RGS7: variants seen among roughly 807,000 people sequenced by gnomAD.
The protein encoded by RGS7 is regulator of G protein signaling 7, also known as regulator of G-protein signaling 7.
Under a neutral mutation model 81.1 loss-of-function variants are expected in RGS7, and 27 were observed. The observed-to-expected ratio is 0.33, with a 90% confidence interval of 0.25 to 0.46. The LOEUF (loss-of-function observed/expected upper bound fraction) is 0.46. Ranked by LOEUF, RGS7 falls within the 20% of genes least tolerant of loss-of-function variation. RGS7 has a pLI of 1.00. For synonymous variants in RGS7, 208 were observed against 207.7 expected (o/e 1.00, Z -0.01); for missense variants, 396 against 607.4 (o/e 0.65, Z 3.66).
At chr1:241,302,906 T>G (rs916692693) in intron 2 of RGS7, among the ~76,000 whole-genome samples, 4 of 152,054 alleles carry the variant, frequency 2.6e-5, no homozygotes, top group African/African-American at 9.7e-5. Context: ...ACCACTGTAA[T>G]ACTATTATCA....
intron 2 of RGS7, among the ~76,000 whole-genome samples, chr1:241,143,225 C>T (rs1280672665): frequency 6.6e-6 from 1 of 152,200 alleles, no homozygotes; most frequent in African/African-American, 2.4e-5. Context: ...ACTATTCCAA[C>T]CTCTGCCTGT....
chr1:240,893,541 T>A (rs2148156470), intron 6 of RGS7, among the ~76,000 whole-genome samples: 1 of 152,244 alleles, frequency 6.6e-6, no homozygotes, highest in East Asian at 1.9e-4. Context: ...TTAATATCCT[T>A]CTATTTGAAA....
chr1:241,340,159 C>T (rs1429321740), intron 2 of RGS7, among the ~76,000 whole-genome samples: 1 of 152,144 alleles, frequency 6.6e-6, no homozygotes, highest in Non-Finnish European at 1.5e-5. Flanking sequence ...AAACTTAATA[C>T]TAAGCCACAC....
intron 2 of RGS7, among the ~76,000 whole-genome samples, chr1:241,269,211 T>C (rs1471403504): frequency 1.3e-5 from 2 of 152,232 alleles, no homozygotes; most frequent in Non-Finnish European, 2.9e-5. Context: ...AAAAAATCTC[T>C]TTTGTAACCA....
At chr1:241,158,314 T>C (rs1424445091) in intron 2 of RGS7, among the ~76,000 whole-genome samples, 4 of 152,124 alleles carry the variant, frequency 2.6e-5, no homozygotes, top group Non-Finnish European at 5.9e-5. Flanking sequence ...CAACACAATA[T>C]CACACATTTG....
chr1:240,941,576 T>C (rs1040979753), intron 4 of RGS7, among the ~76,000 whole-genome samples: 5 of 152,008 alleles, frequency 3.3e-5, no homozygotes, highest in African/African-American at 9.7e-5. Context: ...AGGCTAATTA[T>C]TGTGTGTTAT....
chr1:240,931,923 T>A (rs1675508516), intron 5 of RGS7, among the ~76,000 whole-genome samples: 2 of 152,188 alleles, frequency 1.3e-5, no homozygotes, highest in African/African-American at 4.8e-5. Context: ...TGTCTCCTTA[T>A]CAACCCCTAG....
At chr1:240,806,402 G>A in intron 14 of RGS7, 76 bp from the exon 15 acceptor site, 1 of 1,420,904 alleles carries the variant, frequency 7.0e-7, no homozygotes. Context: ...TACGGATCAT[G>A]CAGTTCATCA....
At chr1:241,284,859 GT>G (rs954921522) in intron 2 of RGS7, among the ~76,000 whole-genome samples, 6 of 151,130 alleles carry the variant, frequency 4.0e-5, no homozygotes, top group Non-Finnish European at 7.4e-5. Flanking sequence ...GTCTTTCTTT[GT>G]TTTTTTTTGT....
intron 3 of RGS7, among the ~76,000 whole-genome samples, chr1:241,076,935 T>C (rs1054207515): frequency 6.6e-6 from 1 of 152,206 alleles, no homozygotes; most frequent in Non-Finnish European, 1.5e-5. Flanking sequence ...AAATCTTCAG[T>C]TGAGGAAAGA....
At chr1:240,893,800 T>C (rs1668627857) in intron 6 of RGS7, among the ~76,000 whole-genome samples, 1 of 152,180 alleles carries the variant, frequency 6.6e-6, no homozygotes, top group Non-Finnish European at 1.5e-5. Context: ...GCATATGAGA[T>C]TGAAGAGTTT....
intron 4 of RGS7, among the ~76,000 whole-genome samples, chr1:240,940,608 G>A (rs927278338): frequency 5.9e-5 from 9 of 152,112 alleles, no homozygotes; most frequent in South Asian, 2.1e-4. Context: ...GGAAATCTGC[G>A]GAGTATAGAT....
chr1:241,309,386 C>CA (rs71571833), intron 2 of RGS7, among the ~76,000 whole-genome samples: 12,438 of 85,096 alleles, frequency 0.15, 1,101 homozygotes, highest in South Asian at 0.22. Flanking sequence ...AACTCCAACT[C>CA]AAAAAAAAAA....
chr1:241,120,678 G>A (rs1240708149), intron 2 of RGS7, among the ~76,000 whole-genome samples: 1 of 152,066 alleles, frequency 6.6e-6, no homozygotes, highest in Non-Finnish European at 1.5e-5. Context: ...GGGAAATTTT[G>A]TACTGTACAG....
Position 241,346,192 on chromosome 1 carries a change from T to C in RGS7, c.78+9507A>G, listed in dbSNP as rs1282498656. On this transcript the variant is annotated intron_variant, in intron 2 of 18. Transcript: ENST00000440928. Reference sequence around the variant, plus strand: ...AGAAAATAGAGGTTAACATAGTATTTATTTTAGAAACCAGAAAACCAAAAA... The same window carrying C: ...AGAAAATAGAGGTTAACATAGTATTCATTTTAGAAACCAGAAAACCAAAAA... 2.6e-5 allele frequency among the ~76,000 whole-genome samples: 4 copies of C among 152,182 alleles called. 1 individual carries two copies. The South Asian group carries it at 8.3e-4, about 32-fold the overall frequency.
chr1:240,819,462 C>G (rs552035722), intron 10 of RGS7, among the ~76,000 whole-genome samples: 1 of 152,078 alleles, frequency 6.6e-6, no homozygotes, highest in African/African-American at 2.4e-5. Flanking sequence ...GATACGAGGC[C>G]GGGCGTGGTG....
chr1:241,068,515 C>T (rs75586949), intron 3 of RGS7, among the ~76,000 whole-genome samples: 3,849 of 151,936 alleles, frequency 0.025, 146 homozygotes, highest in African/African-American at 0.075. Context: ...ACTCTCTTTA[C>T]TGCAGATGAG....
At chr1:241,080,117 TA>T (rs1402861525) in intron 3 of RGS7, among the ~76,000 whole-genome samples, 1 of 151,738 alleles carries the variant, frequency 6.6e-6, no homozygotes, top group African/African-American at 2.4e-5. Context: ...ATCATCATCA[TA>T]AAAAAAGGCT....
intron 11 of RGS7, among the ~76,000 whole-genome samples, chr1:240,815,939 T>C (rs897225362): frequency 4.6e-5 from 7 of 152,216 alleles, no homozygotes; most frequent in Non-Finnish European, 7.3e-5. Context: ...TATCATTGGA[T>C]GTGGGAAGTG....
Sources: gnomAD v4.1 joint callset for allele counts (sites outside exome capture counted in the v4.1 genomes callset) on GRCh38, gnomAD v4.1.1 for gene constraint, MANE v1.5 for transcripts, NCBI Gene and HGNC (gene_info 2026-07-23, HGNC 2026-07-21) for gene names.